SASH1: variants seen among roughly 807,000 people sequenced by gnomAD.
The protein encoded by SASH1 is SAM and SH3 domain-containing protein 1.
In SASH1, 44 loss-of-function variants were observed where a neutral mutation model predicts 125.2. That is an observed-to-expected ratio of 0.35 (90% CI 0.28 to 0.45). The LOEUF is 0.45. SASH1 is among the 20% of genes least tolerant of loss of function. SASH1 has a pLI of 1.00. For missense variants in SASH1, 1,426 were observed against 1,614.5 expected, an observed-to-expected ratio of 0.88 and a Z score of 2.00; for synonymous variants, 639 against 649.1, an observed-to-expected ratio of 0.98 and a Z score of 0.24.
intron 8 of SASH1, among the ~76,000 whole-genome samples, chr6:148,492,024 T>G (rs966183686): frequency 6.6e-6 from 1 of 152,152 alleles, no homozygotes; most frequent in South Asian, 2.1e-4. Flanking sequence ...CAAACCCAAC[T>G]TGGGGGAGAA....
intron 19 of SASH1, among the ~76,000 whole-genome samples, chr6:148,547,394 G>C (rs575209389): frequency 1.3e-5 from 2 of 152,138 alleles, no homozygotes; most frequent in Admixed American, 6.6e-5. Context: ...ACTCAGAATG[G>C]CATGCAATAT....
At chr6:148,506,198 G>T (rs1779791375) in intron 8 of SASH1, among the ~76,000 whole-genome samples, 1 of 151,878 alleles carries the variant, frequency 6.6e-6, no homozygotes, top group Middle Eastern at 3.2e-3. Flanking sequence ...ATAAGGCTGG[G>T]CTTGGTGGCT....
intron 4 of SASH1, among the ~76,000 whole-genome samples, chr6:148,449,515 G>A (rs566332933): frequency 2.6e-5 from 4 of 151,970 alleles, no homozygotes; most frequent in Admixed American, 2.0e-4. Context: ...AGCCTCCCGA[G>A]TAGCTGGGAT....
chr6:148,422,050 A>T (rs1007954556), intron 2 of SASH1, among the ~76,000 whole-genome samples: 5 of 152,112 alleles, frequency 3.3e-5, no homozygotes, highest in South Asian at 2.1e-4. Context: ...GGGAAAGGAG[A>T]AGGCCCTCCT....
At chr6:148,420,898 T>A (rs1233268815) in intron 2 of SASH1, among the ~76,000 whole-genome samples, 1 of 151,936 alleles carries the variant, frequency 6.6e-6, no homozygotes, top group Non-Finnish European at 1.5e-5. Flanking sequence ...CTGGCCAACA[T>A]GGCAAAACCC....
chr6:148,364,791 C>A (rs1321677950), intron 1 of SASH1, among the ~76,000 whole-genome samples: 1 of 151,934 alleles, frequency 6.6e-6, no homozygotes, highest in Non-Finnish European at 1.5e-5. Context: ...TCAAAGATAC[C>A]AATATTAAAA....
the SASH1 span, among the ~76,000 whole-genome samples, chr6:148,203,374 C>T: frequency 3.9e-5 from 6 of 152,138 alleles, no homozygotes; most frequent in Non-Finnish European, 7.3e-5. Context: ...TCCATCCTCC[C>T]GTCTTCTCTC....
chr6:148,497,549 A>C (rs1779365506), intron 8 of SASH1, among the ~76,000 whole-genome samples: 1 of 152,148 alleles, frequency 6.6e-6, no homozygotes, highest in Non-Finnish European at 1.5e-5. Context: ...CAGGCACTTC[A>C]TCTCTTTGTT....
chr6:148,379,520 C>T (rs1783048497), intron 1 of SASH1, among the ~76,000 whole-genome samples: 1 of 152,146 alleles, frequency 6.6e-6, no homozygotes, highest in Non-Finnish European at 1.5e-5. Context: ...GTTTAGCGGG[C>T]AGTCTGTCAA....
the SASH1 span, among the ~76,000 whole-genome samples, chr6:148,223,925 A>G: frequency 1.3e-5 from 2 of 152,200 alleles, no homozygotes; most frequent in South Asian, 4.1e-4. Flanking sequence ...ATATCTCTAT[A>G]TATGTATAAT....
intron 1 of SASH1, among the ~76,000 whole-genome samples, chr6:148,310,740 A>G (rs1475598969): frequency 6.6e-6 from 1 of 152,236 alleles, no homozygotes; most frequent in Non-Finnish European, 1.5e-5. Context: ...AACACATGAA[A>G]AGATACTCAA....
At chr6:148,217,499 C>G in the SASH1 span, among the ~76,000 whole-genome samples, 21 of 152,116 alleles carry the variant, frequency 1.4e-4, no homozygotes, top group African/African-American at 5.1e-4. Flanking sequence ...CCCCATTTTA[C>G]AGACAGGAAA....
chr6:148,416,888 C>T (rs1452622763), intron 2 of SASH1, among the ~76,000 whole-genome samples: 1 of 152,136 alleles, frequency 6.6e-6, no homozygotes, highest in East Asian at 1.9e-4. Flanking sequence ...TGAGGGAGAC[C>T]TCATTGTGGG....
At chr6:148,233,017 A>G in the SASH1 span, among the ~76,000 whole-genome samples, 1 of 152,048 alleles carries the variant, frequency 6.6e-6, no homozygotes, top group African/African-American at 2.4e-5. Flanking sequence ...AGAGTTCAAG[A>G]CCAGCCTGGC....
intron 2 of SASH1, among the ~76,000 whole-genome samples, chr6:148,419,258 A>G (rs1784946441): frequency 6.6e-6 from 1 of 152,182 alleles, no homozygotes; most frequent in African/African-American, 2.4e-5. Flanking sequence ...ATGGGATGCT[A>G]ATGGTTTCTC....
At chr6:148,525,591 T>G (rs898583446) in intron 11 of SASH1, among the ~76,000 whole-genome samples, 2 of 152,222 alleles carry the variant, frequency 1.3e-5, no homozygotes, top group Non-Finnish European at 2.9e-5. Flanking sequence ...AGTAGCACAG[T>G]TCCTTTAATG....
the SASH1 span, among the ~76,000 whole-genome samples, chr6:148,263,728 G>A: frequency 6.6e-6 from 1 of 152,290 alleles, no homozygotes; most frequent in Admixed American, 6.5e-5. Context: ...CTGTCACAGG[G>A]AAAAGAGAGT....
intron 2 of SASH1, among the ~76,000 whole-genome samples, chr6:148,432,149 GT>G (rs1469108449): frequency 6.6e-6 from 1 of 151,976 alleles, no homozygotes; most frequent in Non-Finnish European, 1.5e-5. Flanking sequence ...CTAATTTTGT[GT>G]TTTTCGTAGA....
intron 1 of SASH1, among the ~76,000 whole-genome samples, chr6:148,299,589 C>T (rs1200659755): frequency 1.3e-5 from 2 of 150,892 alleles, no homozygotes; most frequent in East Asian, 3.9e-4. Flanking sequence ...ATCTCTTGAA[C>T]CTGGGAGGTG....
Sources: gnomAD v4.1 joint callset for allele counts (sites outside exome capture counted in the v4.1 genomes callset) on GRCh38, gnomAD v4.1.1 for gene constraint, MANE v1.5 for transcripts, NCBI Gene and HGNC (gene_info 2026-07-23, HGNC 2026-07-21) for gene names.